ALK: variants seen among roughly 807,000 people sequenced by gnomAD.
The protein encoded by ALK is ALK receptor tyrosine kinase.
A neutral mutation model predicts 163.1 loss-of-function variants in ALK; 74 were observed. The ratio of observed to expected loss-of-function variants is 0.45; its 90% CI spans 0.38 to 0.55. The LOEUF (loss-of-function observed/expected upper bound fraction) is 0.55. ALK is among the 20% of genes least tolerant of loss of function. ALK has a pLI of 0.00. For missense variants in ALK, 2,063 were observed against 2,105.3 expected (o/e 0.98, Z 0.39); for synonymous variants, 960 against 843.2 (o/e 1.14, Z -2.40).
At chr2:29,709,245 T>C (rs1020434861) in intron 2 of ALK, among the ~76,000 whole-genome samples, 1 of 152,204 alleles carries the variant, frequency 6.6e-6, no homozygotes, top group African/African-American at 2.4e-5. Flanking sequence ...CCAAATTAAG[T>C]CCAGCTCAGG....
At chr2:29,714,514 G>C (rs1460371867) in intron 2 of ALK, among the ~76,000 whole-genome samples, 1 of 152,022 alleles carries the variant, frequency 6.6e-6, no homozygotes, top group Non-Finnish European at 1.5e-5. Context: ...TTCAGAACTG[G>C]ACAGCTCACC....
At chr2:29,890,737 T>TC (rs1667121762) in intron 1 of ALK, 1 of 152,168 alleles carries the variant, frequency 6.6e-6, no homozygotes, top group Non-Finnish European at 1.5e-5. Context: ...ATCAGCTGTG[T>TC]CCCCCCATCT....
chr2:29,608,177 T>G (rs1158272626), intron 3 of ALK, among the ~76,000 whole-genome samples: 3 of 152,218 alleles, frequency 2.0e-5, no homozygotes, highest in Admixed American at 2.0e-4. Context: ...ATGCCACACC[T>G]GCCTCCCAGT....
At chr2:29,860,298 C>T (rs1003297727) in intron 1 of ALK, among the ~76,000 whole-genome samples, 1 of 150,298 alleles carries the variant, frequency 6.7e-6, no homozygotes, top group Non-Finnish European at 1.5e-5. Context: ...CAACTGCCTA[C>T]GTTAGCTCTT....
intron 1 of ALK, among the ~76,000 whole-genome samples, chr2:29,781,613 C>T (rs1053101624): frequency 6.6e-6 from 1 of 152,212 alleles, no homozygotes; most frequent in African/African-American, 2.4e-5. Context: ...CACTGCATGC[C>T]TATGATGGGT....
chr2:29,599,175 A>T (rs1450292347), intron 3 of ALK, among the ~76,000 whole-genome samples: 1 of 149,698 alleles, frequency 6.7e-6, no homozygotes, highest in Non-Finnish European at 1.5e-5. Context: ...TCACTTAAAT[A>T]TCTGACTCTG....
Position 29,429,832 on chromosome 2 carries a change from T to G in ALK, c.1155-45973A>C, listed in dbSNP as rs575752481. 4.6e-5 allele frequency among the ~76,000 whole-genome samples: 7 copies of G among 152,200 alleles called. No homozygotes were observed. In the East Asian group the frequency reaches 5.8e-4, roughly 13 times the overall value. On this transcript the variant is annotated intron_variant, in intron 4 of 28. Coordinates refer to ENST00000389048, the MANE Select transcript of ALK (RefSeq NM_004304.5). Reference sequence around the variant, plus strand: ...TTTCTGATTTCAAAACTTACTGCAGTGTAATTGCATCTACAACAATGTTAT... The same window carrying G: ...TTTCTGATTTCAAAACTTACTGCAGGGTAATTGCATCTACAACAATGTTAT...
intron 1 of ALK, among the ~76,000 whole-genome samples, chr2:29,729,440 A>G (rs1453565048): frequency 6.6e-6 from 1 of 152,224 alleles, no homozygotes; most frequent in East Asian, 1.9e-4. Flanking sequence ...GGTGGGGGAA[A>G]GAGAAATCAT....
At chr2:29,885,174 A>C (rs7601695) in intron 1 of ALK, among the ~76,000 whole-genome samples, 107,680 of 152,064 alleles carry the variant, frequency 0.71, 38,363 homozygotes, top group Non-Finnish European at 0.76. Context: ...CTTTAAAGTT[A>C]TTTTGATATT....
chr2:29,739,797 G>T (rs1680001944), intron 1 of ALK, among the ~76,000 whole-genome samples: 1 of 152,036 alleles, frequency 6.6e-6, no homozygotes, highest in African/African-American at 2.4e-5. Flanking sequence ...CTGTTTCAAT[G>T]TGAGTTCACT....
At chr2:29,369,915 A>C (rs17007977) in intron 5 of ALK, among the ~76,000 whole-genome samples, 14,441 of 152,236 alleles carry the variant, frequency 0.095, 709 homozygotes, top group Non-Finnish European at 0.11. Context: ...GGAAGAATAG[A>C]ATGGAGAAAA....
intron 25 of ALK, chr2:29,208,092 G>T (rs1669362905): frequency 2.2e-6 from 1 of 452,440 alleles, no homozygotes; most frequent in South Asian, 1.6e-5. Flanking sequence ...CTCTCCCAAG[G>T]ATATTGTTTA....
chr2:29,568,827 T>C (rs1033324837), intron 3 of ALK, among the ~76,000 whole-genome samples: 1 of 152,198 alleles, frequency 6.6e-6, no homozygotes, highest in Non-Finnish European at 1.5e-5. Flanking sequence ...TCAGTGGGAC[T>C]AGGTGGAAAA....
At chr2:29,460,924 C>G (rs188590192) in intron 4 of ALK, among the ~76,000 whole-genome samples, 1 of 152,054 alleles carries the variant, frequency 6.6e-6, no homozygotes, top group African/African-American at 2.4e-5. Context: ...CACCAAATAG[C>G]CAAGTTGTGA....
chr2:29,243,378 A>G (rs1031120513), intron 12 of ALK, among the ~76,000 whole-genome samples: 7 of 152,236 alleles, frequency 4.6e-5, no homozygotes, highest in African/African-American at 1.4e-4. Flanking sequence ...ATGTATAAAA[A>G]GGGGATAATA....
chr2:29,654,269 C>A (rs769833982), intron 3 of ALK, among the ~76,000 whole-genome samples: 2 of 152,114 alleles, frequency 1.3e-5, no homozygotes, highest in African/African-American at 4.8e-5. Context: ...TTATTCCCAG[C>A]CCAGTGGTTT....
At chr2:29,789,015 C>CTGTGTGTGTGTGTGTGTG (rs57619106) in intron 1 of ALK, among the ~76,000 whole-genome samples, 4,686 of 125,426 alleles carry the variant, frequency 0.037, 298 homozygotes, top group Non-Finnish European at 0.055. Context: ...TCCTGGTACA[C>CTGTGTGTGTGTGTGTGTG]TGTGTGTGTG....
chr2:29,850,558 C>A (rs1665964579), intron 1 of ALK, among the ~76,000 whole-genome samples: 1 of 152,176 alleles, frequency 6.6e-6, no homozygotes, highest in Non-Finnish European at 1.5e-5. Flanking sequence ...TTGGCAACTG[C>A]AGAAAAAGGC....
At chr2:29,307,294 A>C (rs1177380994) in intron 8 of ALK, among the ~76,000 whole-genome samples, 1 of 152,240 alleles carries the variant, frequency 6.6e-6, no homozygotes, top group African/African-American at 2.4e-5. Context: ...CTGACGGGGC[A>C]GGTGCTATCT....
Sources: allele counts gnomAD v4.1 joint callset (sites outside exome capture counted in the v4.1 genomes callset), GRCh38; gene constraint gnomAD v4.1.1; transcripts MANE v1.5; gene names NCBI Gene and HGNC (gene_info 2026-07-23, HGNC 2026-07-21).